The following EFR3A variants were observed in gnomAD, a reference collection of about 807,000 sequenced individuals.
The protein encoded by EFR3A is EFR3 homolog A, also known as protein EFR3 homolog A.
Under a neutral mutation model 104.4 loss-of-function variants are expected in EFR3A, and 76 were observed. The observed-to-expected ratio is 0.73, with a 90% confidence interval of 0.60 to 0.88. The LOEUF (loss-of-function observed/expected upper bound fraction) is 0.88, where lower values mean the gene tolerates loss of function less well. Ranked by LOEUF, EFR3A falls within the 40% of genes least tolerant of loss-of-function variation. The pLI is 0.00. For synonymous variants in EFR3A, 330 were observed against 330.0 expected, an observed-to-expected ratio of 1.00 and a Z score of 0.00; for missense variants, 985 against 1,012.5, an observed-to-expected ratio of 0.97 and a Z score of 0.37.
At chr8:131,997,476 T>C (rs1046653411) in intron 19 of EFR3A, among the ~76,000 whole-genome samples, 1 of 152,060 alleles carries the variant, frequency 6.6e-6, no homozygotes, top group South Asian at 2.1e-4. Flanking sequence ...TCCCATTACA[T>C]AGAAGTTATG....
At chr8:131,979,260 T>A (rs1212878617) in intron 13 of EFR3A, 86 bp from the exon 14 acceptor site, 4 of 1,148,900 alleles carry the variant, frequency 3.5e-6, no homozygotes, top group Non-Finnish European at 5.0e-6. Flanking sequence ...ATCAAACTCC[T>A]AAGTATAAAT....
chr8:131,978,988 C>T lies in EFR3A; in HGVS notation c.1468C>T (p.His490Tyr). 6.2e-7 allele frequency: 1 copy of T among 1,612,320 alleles called. No homozygotes were observed. Among genetic ancestry groups the T allele is most frequent in the Non-Finnish European group, 8.5e-7 (1 of 1,178,998 alleles). ...AGTAATGCATAATCTCATGGATCGT[C>T]ATGACAATAGGGCAAAGCTTCGAGG... Reference protein sequence around the residue: ...LEVMHNLMDRHDNRAKLRGIR... With the variant: ...LEVMHNLMDRYDNRAKLRGIR... Residue 490 changes from histidine (H) to tyrosine (Y), a missense_variant, in exon 13 of 23, where the codon CAT becomes TAT. Physicochemically the swap from His to Tyr is moderately conservative, Grantham distance 83. Transcript: ENST00000254624.
In EFR3A at chr8:132,010,805, A is replaced by G. The variant is rs1822306019; in HGVS notation, c.2376A>G (p.Pro792=). The G allele has an allele frequency of 6.2e-7, 1 of 1,612,350 alleles. No homozygotes were observed. Among genetic ancestry groups the G allele is most frequent in the Non-Finnish European group, 8.5e-7 (1 of 1,178,790 alleles). The change falls in exon 23 of 23, where the codon CCA becomes CCG. Residue 792 remains proline (P), a synonymous_variant. Coordinates refer to ENST00000254624, the MANE Select transcript of EFR3A (RefSeq NM_015137.6). The part of the protein sequence containing the change: ...LELTIRPPPS[P]SGTLTITSGH... ...TCTTTTATAGTCCTCCTCCCAGTCC[A>G]TCAGGAACACTGACCATTACTTCTG...
intron 8 of EFR3A, among the ~76,000 whole-genome samples, chr8:131,964,139 G>A (rs1332705645): frequency 3.9e-5 from 6 of 152,012 alleles, no homozygotes; most frequent in African/African-American, 1.2e-4. Flanking sequence ...AAAACTGGAA[G>A]CATTCCCTTT....
intron 1 of EFR3A, among the ~76,000 whole-genome samples, chr8:131,920,475 A>C (rs1481952118): frequency 1.3e-5 from 2 of 152,128 alleles, no homozygotes; most frequent in Non-Finnish European, 2.9e-5. Context: ...TTTAGCTCAG[A>C]GTAACCTATG....
intron 1 of EFR3A, among the ~76,000 whole-genome samples, chr8:131,908,915 A>G (rs1174551117): frequency 1.3e-5 from 2 of 152,248 alleles, no homozygotes; most frequent in Non-Finnish European, 2.9e-5. Flanking sequence ...TTAGATTCAT[A>G]CAGTGTGTAA....
intron 2 of EFR3A, among the ~76,000 whole-genome samples, chr8:131,942,055 G>A (rs1173261106): frequency 1.3e-5 from 2 of 152,008 alleles, no homozygotes; most frequent in African/African-American, 4.8e-5. Flanking sequence ...AAGGTAAGGT[G>A]GAGGCCAGAT....
chr8:132,010,405 G>GAT (rs200821953), intron 22 of EFR3A, among the ~76,000 whole-genome samples: 1,379 of 87,822 alleles, frequency 0.016, 67 homozygotes, highest in Middle Eastern at 0.027. Context: ...AATCAAGTAT[G>GAT]AGATATATAT....
At chr8:131,987,465 G>C in intron 17 of EFR3A, 110 bp from the exon 18 acceptor site, 7 of 1,213,910 alleles carry the variant, frequency 5.8e-6, no homozygotes, top group Non-Finnish European at 7.8e-6. Context: ...AGTTTACATT[G>C]TGTTTATATT....
chr8:131,968,662 T>A (rs1251765168), intron 9 of EFR3A, among the ~76,000 whole-genome samples: 5 of 152,142 alleles, frequency 3.3e-5, no homozygotes, highest in Admixed American at 1.3e-4. Context: ...CTAATAAAGG[T>A]TTTTGAGTAT....
chr8:131,923,534 T>A (rs1340156891), intron 1 of EFR3A, among the ~76,000 whole-genome samples: 14 of 145,158 alleles, frequency 9.6e-5, no homozygotes, highest in Admixed American at 2.8e-4. Flanking sequence ...AAATTGGAAA[T>A]GCCACATTCA....
intron 19 of EFR3A, among the ~76,000 whole-genome samples, chr8:131,997,934 G>A (rs1170262266): frequency 6.6e-6 from 1 of 152,008 alleles, no homozygotes; most frequent in African/African-American, 2.4e-5. Flanking sequence ...ACTCAATGTA[G>A]GGGAAAGATT....
At chr8:131,932,180 C>A (rs1586557501) in intron 1 of EFR3A, among the ~76,000 whole-genome samples, 2 of 151,918 alleles carry the variant, frequency 1.3e-5, no homozygotes, top group East Asian at 3.9e-4. Flanking sequence ...ATTTTTGAGA[C>A]CCCCTAATTT....
chr8:131,979,636 G>GTAGTTC (rs1381193406), intron 14 of EFR3A, among the ~76,000 whole-genome samples: 2 of 152,070 alleles, frequency 1.3e-5, no homozygotes, highest in East Asian at 3.9e-4. Flanking sequence ...GGCTGCTGTA[G>GTAGTTC]TAGTTCTAAA....
intron 22 of EFR3A, among the ~76,000 whole-genome samples, chr8:132,004,376 C>T (rs965880731): frequency 2.0e-5 from 3 of 152,300 alleles, no homozygotes; most frequent in East Asian, 3.9e-4. Flanking sequence ...CAGATCAGCG[C>T]GGCATTAGAT....
intron 12 of EFR3A, 35 bp from the exon 13 acceptor site, chr8:131,978,812 G>T (rs759827005): frequency 2.0e-5 from 29 of 1,429,696 alleles, no homozygotes; most frequent in Non-Finnish European, 2.4e-5. Context: ...AAGGACTCAT[G>T]ACAAAAGGTT....
At chr8:131,917,222 A>T (rs117899532) in intron 1 of EFR3A, among the ~76,000 whole-genome samples, 1 of 152,248 alleles carries the variant, frequency 6.6e-6, no homozygotes, top group East Asian at 1.9e-4. Context: ...ACTGAGGGAC[A>T]TTAGAGACGA....
Position 131,959,567 on chromosome 8 carries a change from A to C in EFR3A, c.777-18A>C. On this transcript the variant is annotated intron_variant, in intron 7 of 22. Coordinates refer to ENST00000254624, the MANE Select transcript of EFR3A (RefSeq NM_015137.6). ...ATAGTAAAATAGAGAATTTTAAAGT[A>C]ATTTTTGTTATTTGCAGGCATTTAG... 1 of 1,603,404 alleles carries C rather than the reference A, an allele frequency of 6.2e-7. No individual in the cohort carries two copies. Among genetic ancestry groups the C allele is most frequent in the Non-Finnish European group, 8.5e-7 (1 of 1,174,162 alleles).
At chr8:131,985,230 A>G (rs1186488430) in intron 16 of EFR3A, among the ~76,000 whole-genome samples, 170 bp downstream of exon 16, 2 of 152,180 alleles carry the variant, frequency 1.3e-5, no homozygotes, top group South Asian at 2.1e-4. Flanking sequence ...TACTGTTTTT[A>G]TATTTTCTTA....
Sources: allele counts gnomAD v4.1 joint callset (sites outside exome capture counted in the v4.1 genomes callset), GRCh38; gene constraint gnomAD v4.1.1; transcripts MANE v1.5; gene names NCBI Gene and HGNC (gene_info 2026-07-23, HGNC 2026-07-21).